The following FGF12 variants were observed in gnomAD, a reference collection of about 807,000 sequenced individuals.
The protein encoded by FGF12 is fibroblast growth factor 12B.
FGF12 carries 14 observed loss-of-function variants against 23.6 expected under a neutral mutation model. That is an observed-to-expected ratio of 0.59 (90% CI 0.39 to 0.93). FGF12 has a LOEUF of 0.93. Among genes scored for constraint, FGF12 ranks in the 40% least tolerant of loss-of-function variants. FGF12 has a pLI of 0.00. For missense variants in FGF12, 175 were observed against 217.8 expected (o/e 0.80, Z 1.24); for synonymous variants, 62 against 77.3 (o/e 0.80, Z 1.04).
chr3:192,496,416 T>C (rs142276026), intron 2 of FGF12, among the ~76,000 whole-genome samples: 55 of 152,258 alleles, frequency 3.6e-4, no homozygotes, highest in African/African-American at 1.3e-3. Context: ...TTGCCAGCCA[T>C]AGGAAGACGC....
chr3:192,161,742 C>T (rs1039314699), intron 5 of FGF12, among the ~76,000 whole-genome samples: 2 of 152,094 alleles, frequency 1.3e-5, no homozygotes, highest in Non-Finnish European at 2.9e-5. Flanking sequence ...GTTCAGAAAG[C>T]ATGTTGAAAG....
rs1553812383 is a variant in FGF12 at position 192,432,655 on chromosome 3, G to GAAAGA, written c.14-72122_14-72118dup. ...AAAAAAAAAAAAAGAAAGAAAGAAA[G>GAAAGA]AAAGAAAAGAAAAGAAAGGATGTCA... On this transcript the variant is annotated intron_variant, in intron 2 of 5. Coordinates refer to ENST00000445105, the MANE Select transcript of FGF12 (RefSeq NM_004113.6). Among the ~76,000 whole-genome samples the GAAAGA allele has an allele frequency of 1.2e-3, 180 of 145,514 alleles. 1 individual carries two copies. In the East Asian group the frequency reaches 0.031, roughly 25 times the overall value.
intron 2 of FGF12, among the ~76,000 whole-genome samples, chr3:192,710,223 A>G (rs1398048145): frequency 6.6e-6 from 1 of 152,198 alleles, no homozygotes; most frequent in Non-Finnish European, 1.5e-5. Context: ...AGTTGAGAGT[A>G]TCTTTCCATG....
At chr3:192,355,113 A>C (rs1321748231) in intron 3 of FGF12, among the ~76,000 whole-genome samples, 1 of 152,236 alleles carries the variant, frequency 6.6e-6, no homozygotes, top group Non-Finnish European at 1.5e-5. Context: ...ATCTTTCAGA[A>C]TGAAGAAAGC....
intron 4 of FGF12, among the ~76,000 whole-genome samples, chr3:192,223,337 T>C (rs1373866286): frequency 6.6e-6 from 1 of 152,154 alleles, no homozygotes; most frequent in African/African-American, 2.4e-5. Flanking sequence ...TACTGTCACA[T>C]TTGAGTTTTT....
chr3:192,319,804 T>C (rs1364754482), intron 4 of FGF12, among the ~76,000 whole-genome samples: 1 of 152,036 alleles, frequency 6.6e-6, no homozygotes, highest in Non-Finnish European at 1.5e-5. Context: ...GTTATATTAT[T>C]TGCAAGTCTC....
intron 4 of FGF12, among the ~76,000 whole-genome samples, chr3:192,311,927 GTCTA>G (rs35183560): frequency 0.18 from 26,241 of 145,320 alleles, 2,375 homozygotes; most frequent in East Asian, 0.27. Context: ...TTGACTGTCT[GTCTA>G]TCTATCTATC....
At chr3:192,584,367 T>C (rs192622651) in intron 2 of FGF12, among the ~76,000 whole-genome samples, 29 of 152,164 alleles carry the variant, frequency 1.9e-4, no homozygotes, top group Non-Finnish European at 3.7e-4. Flanking sequence ...CATGATAACA[T>C]AATTATAAGA....
rs553188052 is a variant in FGF12, at chr3:192,229,569, C to T, written c.229-58913G>A. On this transcript the variant is annotated intron_variant, in intron 4 of 5. Transcript: ENST00000445105. ...GTACTGCTACCAGGTTAGAGGTCAA[C>T]TATCACTATTAAGTGATACAATACA... is the stretch of plus-strand genomic sequence containing the variant. Among the ~76,000 whole-genome samples the T allele has an allele frequency of 2.0e-5, 3 of 152,124 alleles. No individual in the cohort carries two copies. In the South Asian group the frequency reaches 6.2e-4, roughly 32 times the overall value.
chr3:192,285,195 T>C (rs1714381247), intron 4 of FGF12, among the ~76,000 whole-genome samples: 1 of 152,052 alleles, frequency 6.6e-6, no homozygotes, highest in African/African-American at 2.4e-5. Flanking sequence ...TGACCCTTAG[T>C]AGTTGATAAG....
chr3:192,594,825 T>C (rs1017479857), intron 2 of FGF12, among the ~76,000 whole-genome samples: 1 of 151,920 alleles, frequency 6.6e-6, no homozygotes, highest in Non-Finnish European at 1.5e-5. Flanking sequence ...AAGAAATAAA[T>C]TTGTTTATAA....
At chr3:192,490,564 C>T (rs893192043) in intron 2 of FGF12, among the ~76,000 whole-genome samples, 2 of 151,898 alleles carry the variant, frequency 1.3e-5, no homozygotes, top group South Asian at 4.2e-4. Context: ...CATACGTACA[C>T]ATATACATAT....
At chr3:192,283,511 T>C (rs1714272103) in intron 4 of FGF12, among the ~76,000 whole-genome samples, 1 of 152,134 alleles carries the variant, frequency 6.6e-6, no homozygotes, top group African/African-American at 2.4e-5. Flanking sequence ...ATTAAATAGC[T>C]ATAGGATTTC....
chr3:192,509,879 T>A (rs537189027), intron 2 of FGF12, among the ~76,000 whole-genome samples: 3 of 152,312 alleles, frequency 2.0e-5, no homozygotes, highest in East Asian at 3.9e-4. Context: ...TTCCATTAAA[T>A]CTTATTATTT....
chr3:192,462,542 C>T (rs1288925407), intron 2 of FGF12, among the ~76,000 whole-genome samples: 2 of 152,102 alleles, frequency 1.3e-5, no homozygotes, highest in African/African-American at 4.8e-5. Flanking sequence ...ACTTCTCAAT[C>T]TCCATAAGTG....
chr3:192,369,080 CT>C (rs1719111755), intron 2 of FGF12, among the ~76,000 whole-genome samples: 1 of 152,204 alleles, frequency 6.6e-6, no homozygotes, highest in African/African-American at 2.4e-5. Flanking sequence ...GTTTACACCC[CT>C]GTCTCTGCTG....
chr3:192,330,791 T>C (rs1164616366), intron 4 of FGF12, among the ~76,000 whole-genome samples: 2 of 152,090 alleles, frequency 1.3e-5, no homozygotes, highest in African/African-American at 2.4e-5. Flanking sequence ...TGACACTGGA[T>C]TTGGCAACTA....
chr3:192,147,258 T>C (rs1713777519), intron 5 of FGF12, among the ~76,000 whole-genome samples: 1 of 152,204 alleles, frequency 6.6e-6, no homozygotes, highest in Non-Finnish European at 1.5e-5. Flanking sequence ...TAGGATTCAG[T>C]AATATATCTA....
intron 2 of FGF12, among the ~76,000 whole-genome samples, chr3:192,710,939 T>G (rs79303445): frequency 0.02 from 3,077 of 152,146 alleles, 123 homozygotes; most frequent in African/African-American, 0.071. Context: ...CTTGGAAACG[T>G]AAGAGGTAAG....
Sources: gnomAD v4.1 joint callset for allele counts (sites outside exome capture counted in the v4.1 genomes callset) on GRCh38, gnomAD v4.1.1 for gene constraint, MANE v1.5 for transcripts, NCBI Gene and HGNC (gene_info 2026-07-23, HGNC 2026-07-21) for gene names.